The following RCAN2 variants were observed in gnomAD, a reference collection of about 807,000 sequenced individuals.
RCAN2 encodes regulator of calcineurin 2.
Under a neutral mutation model 23.6 loss-of-function variants are expected in RCAN2, and 9 were observed. The ratio of observed to expected loss-of-function variants is 0.38; its 90% confidence interval spans 0.23 to 0.67. The LOEUF is 0.67. Ranked by LOEUF, RCAN2 falls within the 30% of genes least tolerant of loss-of-function variation. The pLI, the probability that RCAN2 is intolerant of heterozygous loss-of-function variation, is 0.51. For synonymous variants in RCAN2, 109 were observed against 115.7 expected (o/e 0.94, Z 0.37); for missense variants, 273 against 302.3 (o/e 0.90, Z 0.72).
intron 2 of RCAN2, among the ~76,000 whole-genome samples, chr6:46,327,365 G>A (rs911029228): frequency 5.9e-5 from 9 of 152,100 alleles, no homozygotes; most frequent in Non-Finnish European, 8.8e-5. Flanking sequence ...AGAAGTGAGG[G>A]GTGCCCTTCA....
intron 2 of RCAN2, among the ~76,000 whole-genome samples, chr6:46,327,956 C>T (rs184674038): frequency 4.6e-5 from 7 of 152,310 alleles, no homozygotes; most frequent in African/African-American, 7.2e-5. Context: ...GCAAAGTCCA[C>T]GTGTGCCCAG....
intron 2 of RCAN2, among the ~76,000 whole-genome samples, chr6:46,438,928 T>C (rs534339370): frequency 7.2e-5 from 11 of 152,238 alleles, no homozygotes; most frequent in Non-Finnish European, 1.6e-4. Context: ...TTTGTTAGTG[T>C]ATTTATAAGT....
At chr6:46,311,676 C>T (rs1248766268) in intron 2 of RCAN2, among the ~76,000 whole-genome samples, 2 of 152,222 alleles carry the variant, frequency 1.3e-5, no homozygotes, top group African/African-American at 4.8e-5. Context: ...AACCCCAGAT[C>T]AAAGCTTCCT....
At chr6:46,301,071 G>T (rs1397810917) in intron 2 of RCAN2, among the ~76,000 whole-genome samples, 1 of 151,872 alleles carries the variant, frequency 6.6e-6, no homozygotes, top group Non-Finnish European at 1.5e-5. Flanking sequence ...GAAAATCTGG[G>T]CCATATTTCT....
chr6:46,282,251 A>G lies in RCAN2; in HGVS notation c.226-33355T>C, dbSNP rs182415303. Among the ~76,000 whole-genome samples, 358 of 152,290 alleles carry G rather than the reference A, an allele frequency of 2.4e-3. 1 individual carries two copies. The highest frequency in any genetic ancestry group is 3.8e-3 in the Non-Finnish European group (257 of 68,022). ...TATTGTGGTTACTGATACCTCAAAA[A>G]TAGGTCACACTGGGCTGGGCACGGT... is the stretch of plus-strand genomic sequence containing the variant. On this transcript the variant is annotated intron_variant, in intron 2 of 4. Transcript: ENST00000371374.
intron 2 of RCAN2, among the ~76,000 whole-genome samples, chr6:46,441,474 A>G (rs142693143): frequency 9.2e-5 from 14 of 152,326 alleles, no homozygotes; most frequent in Admixed American, 6.5e-4. Context: ...CCATCATATG[A>G]CACAGTGCAT....
chr6:46,355,443 G>A (rs1439306722), intron 2 of RCAN2, among the ~76,000 whole-genome samples: 1 of 152,208 alleles, frequency 6.6e-6, no homozygotes, highest in African/African-American at 2.4e-5. Context: ...ACCTGGGCTA[G>A]TGTCTTCCAG....
chr6:46,319,957 T>G lies in RCAN2; in HGVS notation c.226-71061A>C, dbSNP rs143055155. 1.0e-3 allele frequency among the ~76,000 whole-genome samples: 153 copies of G among 152,306 alleles called. 1 individual carries two copies. The highest frequency in any genetic ancestry group is 3.5e-3 in the African/African-American group (145 of 41,562). ...AGAGATGTATGACAAAATATTATTTTTAATATTACTATTATGGTCATTGAA... is the reference window on the plus strand; with the variant it reads ...AGAGATGTATGACAAAATATTATTTGTAATATTACTATTATGGTCATTGAA... On this transcript the variant is annotated intron_variant, in intron 2 of 4. Coordinates refer to ENST00000371374, the MANE Select transcript of RCAN2 (RefSeq NM_001251974.2).
At chr6:46,250,574 C>T (rs1766675300) in intron 2 of RCAN2, among the ~76,000 whole-genome samples, 1 of 152,094 alleles carries the variant, frequency 6.6e-6, no homozygotes, top group Non-Finnish European at 1.5e-5. Context: ...CGAGTCAGAA[C>T]CCTGAGATCT....
At chr6:46,466,967 T>C (rs540365753) in intron 1 of RCAN2, among the ~76,000 whole-genome samples, 1 of 152,254 alleles carries the variant, frequency 6.6e-6, no homozygotes, top group Admixed American at 6.5e-5. Flanking sequence ...CTATCAACAT[T>C]CCACTCATCT....
At chr6:46,388,199 A>C (rs1434800639) in intron 2 of RCAN2, among the ~76,000 whole-genome samples, 1 of 152,144 alleles carries the variant, frequency 6.6e-6, no homozygotes, top group Non-Finnish European at 1.5e-5. Flanking sequence ...ACATGTATAC[A>C]TATGTAACAA....
At chr6:46,285,084 A>C (rs1762328845) in intron 2 of RCAN2, among the ~76,000 whole-genome samples, 1 of 152,184 alleles carries the variant, frequency 6.6e-6, no homozygotes, top group African/African-American at 2.4e-5. Context: ...ATATTAGTTC[A>C]CTAATAATTT....
intron 2 of RCAN2, among the ~76,000 whole-genome samples, chr6:46,337,712 G>C (rs1023791983): frequency 6.6e-6 from 1 of 152,194 alleles, no homozygotes; most frequent in Admixed American, 6.5e-5. Context: ...GGTTAAGCCA[G>C]AGGCTCAGTG....
At chr6:46,365,637 A>G (rs1485193674) in intron 2 of RCAN2, among the ~76,000 whole-genome samples, 1 of 152,194 alleles carries the variant, frequency 6.6e-6, no homozygotes, top group African/African-American at 2.4e-5. Flanking sequence ...GAAATTGTCA[A>G]TTTCTTCTAA....
chr6:46,268,339 T>C (rs1029209756), intron 2 of RCAN2, among the ~76,000 whole-genome samples: 1 of 152,238 alleles, frequency 6.6e-6, no homozygotes, highest in African/African-American at 2.4e-5. Flanking sequence ...ATCATTTGTG[T>C]TATTATAGCA....
intron 4 of RCAN2, among the ~76,000 whole-genome samples, chr6:46,226,259 GGCAATGTGA>G (rs1442761831): frequency 6.6e-6 from 1 of 152,150 alleles, no homozygotes; most frequent in African/African-American, 2.4e-5. Context: ...GGATTGTCTT[GGCAATGTGA>G]GCTCTTTTTT....
intron 2 of RCAN2, among the ~76,000 whole-genome samples, chr6:46,394,550 G>A (rs748260555): frequency 7.2e-5 from 11 of 152,058 alleles, no homozygotes; most frequent in Non-Finnish European, 1.3e-4. Flanking sequence ...TTCCTTGACC[G>A]AGATATTGCT....
chr6:46,285,961 C>A (rs1398272362), intron 2 of RCAN2, among the ~76,000 whole-genome samples: 1 of 152,120 alleles, frequency 6.6e-6, no homozygotes, highest in South Asian at 2.1e-4. Flanking sequence ...TTATGATTAC[C>A]TTGCATGGTT....
At chr6:46,350,403 C>G (rs1764612036) in intron 2 of RCAN2, among the ~76,000 whole-genome samples, 1 of 152,100 alleles carries the variant, frequency 6.6e-6, no homozygotes. Context: ...CAGAGAGTAG[C>G]TTAGATGGGG....
Sources: allele counts gnomAD v4.1 joint callset (sites outside exome capture counted in the v4.1 genomes callset), GRCh38; gene constraint gnomAD v4.1.1; transcripts MANE v1.5; gene names NCBI Gene and HGNC (gene_info 2026-07-23, HGNC 2026-07-21).